GRM8: variants seen among roughly 807,000 people sequenced by gnomAD.
GRM8 encodes glutamate metabotropic receptor 8.
Under a neutral mutation model 87.2 loss-of-function variants are expected in GRM8, and 47 were observed. That is an observed-to-expected ratio of 0.54 (90% CI 0.43 to 0.69). GRM8 has a LOEUF of 0.69. Among genes scored for constraint, GRM8 ranks in the 30% least tolerant of loss-of-function variants. The pLI is 0.00. For missense variants in GRM8, 1,019 were observed against 1,139.2 expected (o/e 0.89, Z 1.52); for synonymous variants, 396 against 404.5 (o/e 0.98, Z 0.25).
intron 7 of GRM8, among the ~76,000 whole-genome samples, chr7:126,698,690 T>C (rs924807663): frequency 5.3e-5 from 8 of 152,168 alleles, no homozygotes; most frequent in African/African-American, 1.7e-4. Context: ...AAATGAATTG[T>C]CTGTCATGAA....
chr7:126,808,265 C>A (rs1792962162), intron 6 of GRM8, among the ~76,000 whole-genome samples: 1 of 152,128 alleles, frequency 6.6e-6, no homozygotes, highest in Admixed American at 6.6e-5. Context: ...AAGAGACCTG[C>A]AGATCAAACA....
At position 126,920,415 on chromosome 7, in the gene GRM8, A is replaced by C. The variant is rs115090832; in HGVS notation, c.728-15732T>G. Among the ~76,000 whole-genome samples, 714 of 152,312 alleles carry C rather than the reference A, an allele frequency of 4.7e-3. 6 individuals are homozygous for C. Among genetic ancestry groups the C allele is most frequent in the African/African-American group, 0.017 (695 of 41,570 alleles). ...GGAAAAGAGGAGAGAAATGTCACCA[A>C]TGTTTTGAAAGCTGAAAAGCAGATG... On this transcript the variant is annotated intron_variant, in intron 3 of 10. Transcript: ENST00000339582.
intron 7 of GRM8, among the ~76,000 whole-genome samples, chr7:126,641,575 G>A (rs1223484395): frequency 1.3e-5 from 2 of 152,160 alleles, no homozygotes; most frequent in East Asian, 3.8e-4. Flanking sequence ...TCACTGTTTT[G>A]TTCCAGCTAC....
intron 6 of GRM8, among the ~76,000 whole-genome samples, chr7:126,792,123 CCCTCAGCAAAAAA>C (rs1821413489): frequency 6.6e-6 from 1 of 152,050 alleles, no homozygotes; most frequent in Non-Finnish European, 1.5e-5. Context: ...CCCAGGATGC[CCCTCAGCAAAAAA>C]TGCTAGAAGA....
At chr7:126,789,206 G>T (rs1159713330) in intron 6 of GRM8, among the ~76,000 whole-genome samples, 2 of 151,590 alleles carry the variant, frequency 1.3e-5, no homozygotes, top group Non-Finnish European at 2.9e-5. Flanking sequence ...TGAAATCCAA[G>T]ATACACTAAT....
chr7:127,222,908 T>C (rs903005585), intron 2 of GRM8, among the ~76,000 whole-genome samples: 1 of 152,220 alleles, frequency 6.6e-6, no homozygotes, highest in African/African-American at 2.4e-5. Context: ...TGCTTGAGAC[T>C]GGTTCTACCC....
chr7:127,126,560 A>C (rs1827384492), intron 2 of GRM8, among the ~76,000 whole-genome samples: 1 of 152,100 alleles, frequency 6.6e-6, no homozygotes, highest in East Asian at 1.9e-4. Flanking sequence ...CTAAAAGCCA[A>C]GACTTCACCA....
intron 9 of GRM8, among the ~76,000 whole-genome samples, chr7:126,510,564 A>C (rs1402039466): frequency 2.9e-5 from 1 of 34,186 alleles, no homozygotes; most frequent in African/African-American, 1.4e-4. Flanking sequence ...AGTGAAAATA[A>C]ATTTCAAAGA....
At chr7:126,489,928 C>T (rs543817256) in intron 9 of GRM8, among the ~76,000 whole-genome samples, 52 of 151,986 alleles carry the variant, frequency 3.4e-4, no homozygotes, top group Non-Finnish European at 6.9e-4. Flanking sequence ...CCCTCCCCCA[C>T]CAGAGCCAAG....
intron 3 of GRM8, among the ~76,000 whole-genome samples, chr7:126,960,036 T>A (rs1809144064): frequency 1.3e-5 from 2 of 152,200 alleles, no homozygotes; most frequent in Non-Finnish European, 2.9e-5. Context: ...TTGAGCTCTT[T>A]ATTTTTTCTT....
chr7:126,914,293 A>G (rs912774269), intron 3 of GRM8, among the ~76,000 whole-genome samples: 2 of 152,236 alleles, frequency 1.3e-5, no homozygotes, highest in African/African-American at 4.8e-5. Context: ...GGCTACAGAG[A>G]AAAAGGAAGA....
chr7:126,596,967 C>T (rs1797261251), intron 8 of GRM8, among the ~76,000 whole-genome samples: 1 of 152,006 alleles, frequency 6.6e-6, no homozygotes, highest in African/African-American at 2.4e-5. Context: ...CAAATGAAAG[C>T]AATCAAATAC....
chr7:126,615,975 A>G (rs2151121559), intron 7 of GRM8, among the ~76,000 whole-genome samples: 1 of 152,302 alleles, frequency 6.6e-6, no homozygotes, highest in Non-Finnish European at 1.5e-5. Context: ...ACGAGACAGA[A>G]AGTTAACAAG....
chr7:127,083,079 C>T (rs548317229), intron 3 of GRM8, among the ~76,000 whole-genome samples: 48 of 152,274 alleles, frequency 3.2e-4, no homozygotes, highest in African/African-American at 1.2e-3. Flanking sequence ...AATATTTGTC[C>T]ACATACCTTG....
At chr7:126,637,235 A>G (rs1184379922) in intron 7 of GRM8, among the ~76,000 whole-genome samples, 1 of 152,102 alleles carries the variant, frequency 6.6e-6, no homozygotes, top group Non-Finnish European at 1.5e-5. Flanking sequence ...AAATAGTCAT[A>G]CAATTTGGGT....
At chr7:126,976,884 G>A (rs931349470) in intron 3 of GRM8, among the ~76,000 whole-genome samples, 10 of 143,894 alleles carry the variant, frequency 6.9e-5, no homozygotes, top group Non-Finnish European at 1.5e-4. Context: ...ACAGGGGGTT[G>A]GGGTTTTATT....
intron 9 of GRM8, among the ~76,000 whole-genome samples, chr7:126,514,496 T>A (rs1228759000): frequency 1.3e-5 from 2 of 152,100 alleles, no homozygotes; most frequent in East Asian, 3.9e-4. Context: ...GATCTTTGTA[T>A]AACTGTGGTC....
intron 2 of GRM8, among the ~76,000 whole-genome samples, chr7:127,210,198 T>C (rs1361015256): frequency 2.0e-5 from 3 of 152,204 alleles, no homozygotes; most frequent in African/African-American, 7.2e-5. Flanking sequence ...ACAAAGATGT[T>C]AGTTTTTTCA....
intron 2 of GRM8, among the ~76,000 whole-genome samples, chr7:127,142,519 C>A (rs1005358661): frequency 5.3e-5 from 8 of 152,110 alleles, no homozygotes; most frequent in Non-Finnish European, 1.0e-4. Context: ...AGGTTCTCTC[C>A]CTCAATAAAT....
Sources: gnomAD v4.1 joint callset for allele counts (sites outside exome capture counted in the v4.1 genomes callset) on GRCh38, gnomAD v4.1.1 for gene constraint, MANE v1.5 for transcripts, NCBI Gene and HGNC (gene_info 2026-07-23, HGNC 2026-07-21) for gene names.